Variants in TACC2 observed in about 807,000 individuals in gnomAD.
The protein encoded by TACC2 is transforming acidic coiled-coil containing protein 2.
Under a neutral mutation model 227.3 loss-of-function variants are expected in TACC2, and 137 were observed. The observed-to-expected ratio is 0.60, with a 90% CI of 0.52 to 0.69. The LOEUF (loss-of-function observed/expected upper bound fraction) is 0.69, where lower values mean the gene tolerates loss of function less well. TACC2 is among the 30% of genes least tolerant of loss of function. The probability of loss-of-function intolerance (pLI) is 0.00; values close to 1 mark genes in which losing one functional copy is unlikely to be tolerated. For missense variants in TACC2, 3,470 were observed against 3,694.4 expected (o/e 0.94, Z 1.57); for synonymous variants, 1,523 against 1,487.5 (o/e 1.02, Z -0.55).
intron 5 of TACC2, among the ~76,000 whole-genome samples, chr10:122,103,931 C>T (rs567762109): frequency 6.6e-6 from 1 of 152,286 alleles, no homozygotes; most frequent in African/African-American, 2.4e-5. Flanking sequence ...TTTCAAGAGA[C>T]AGTACACAGG....
chr10:122,148,252 C>T (rs1007274886), intron 7 of TACC2, among the ~76,000 whole-genome samples: 5 of 152,112 alleles, frequency 3.3e-5, no homozygotes, highest in South Asian at 2.1e-4. Context: ...TATAGGCACC[C>T]GCCACCATGC....
chr10:122,118,215 A>G (rs1299854322), intron 5 of TACC2, among the ~76,000 whole-genome samples: 1 of 151,980 alleles, frequency 6.6e-6, no homozygotes, highest in African/African-American at 2.4e-5. Flanking sequence ...GAGTTTCACC[A>G]TGTTGGCTGG....
intron 6 of TACC2, among the ~76,000 whole-genome samples, chr10:122,137,133 C>T (rs149100877): frequency 1.7e-3 from 266 of 152,222 alleles, no homozygotes; most frequent in Non-Finnish European, 3.1e-3. Context: ...CCAAAATTTG[C>T]TTCTTTCCTC....
chr10:122,078,882 TC>T (rs2079134889), intron 3 of TACC2: 1 of 152,224 alleles, frequency 6.6e-6, no homozygotes, highest in African/African-American at 2.4e-5. Context: ...TTGTTGTGTG[TC>T]CCATACTCCA....
intron 5 of TACC2, chr10:122,126,847 C>A (rs1374836856): frequency 1.3e-5 from 2 of 152,248 alleles, no homozygotes; most frequent in African/African-American, 4.8e-5. Flanking sequence ...CTGGTATCAC[C>A]TGCTATGCTC....
At chr10:122,041,742 G>A (rs920002440) in intron 2 of TACC2, among the ~76,000 whole-genome samples, 12 of 152,180 alleles carry the variant, frequency 7.9e-5, no homozygotes, top group African/African-American at 1.4e-4. Flanking sequence ...CACAGCACCC[G>A]GCCTTGACAG....
At chr10:122,037,265 G>A (rs1314251099) in intron 2 of TACC2, among the ~76,000 whole-genome samples, 3 of 152,262 alleles carry the variant, frequency 2.0e-5, no homozygotes, top group Non-Finnish European at 2.9e-5. Context: ...CAGCCAGGGA[G>A]CTGGGTGAGG....
chr10:122,183,605 T>A (rs2094056710), intron 7 of TACC2, among the ~76,000 whole-genome samples: 1 of 152,180 alleles, frequency 6.6e-6, no homozygotes. Context: ...CCTGGCTGGC[T>A]GCCCCCGTGG....
chr10:122,215,443 C>A lies in TACC2; in HGVS notation c.7336C>A (p.Pro2446Thr). The stretch of plus-strand genomic sequence containing the variant: ...AAAACGGTCTCCTCTCTCTGATCCA[C>A]CTTCCCAGGTACAGTGTTCCTTTGA... ...SPKRSPLSDP[P>T]SQDPTPAATP... is the part of the protein sequence containing the mutation. Residue 2446 changes from proline (P) to threonine (T), a missense_variant, in exon 10 of 23, where the codon CCT becomes ACT. Coordinates refer to ENST00000369005, the MANE Select transcript of TACC2 (RefSeq NM_206862.4). 1 of 1,613,912 alleles carries A rather than the reference C, an allele frequency of 6.2e-7. No individual in the cohort carries two copies. The highest frequency in any genetic ancestry group is 8.5e-7 in the Non-Finnish European group (1 of 1,179,820).
chr10:122,105,623 A>AGTT (rs2082669659), intron 5 of TACC2, among the ~76,000 whole-genome samples: 2 of 108,426 alleles, frequency 1.8e-5, no homozygotes, highest in African/African-American at 6.0e-5. Context: ...TGTCTTAAAC[A>AGTT]CTTTTTTTTT....
In TACC2 at chr10:122,143,558, C is replaced by T. The variant is rs2090963665; in HGVS notation, c.5700-14C>T. 6.2e-7 allele frequency: 1 copy of T among 1,612,932 alleles called. No homozygotes were observed. The highest frequency in any genetic ancestry group is 1.7e-5 in the Admixed American group (1 of 59,982). ...CCAGCACCATGTGGAATAATTCCCT[C>T]ATTGTGTCCCCAGCATCTCCCCAGC... On this transcript the variant is annotated splice_polypyrimidine_tract_variant and intron_variant, in intron 6 of 22. Transcript: ENST00000369005.
intron 7 of TACC2, among the ~76,000 whole-genome samples, chr10:122,167,601 G>T (rs2093246887): frequency 6.6e-6 from 1 of 152,334 alleles, no homozygotes; most frequent in Non-Finnish European, 1.5e-5. Context: ...TCTGTGGTTA[G>T]AAGTGGGGTT....
intron 7 of TACC2, chr10:122,163,778 C>T (rs1279553222): frequency 8.2e-7 from 1 of 1,224,402 alleles, no homozygotes; most frequent in African/African-American, 1.6e-5. Flanking sequence ...TGCCGCCGCT[C>T]CCGCCGCCAC....
At position 122,224,780 on chromosome 10, in the gene TACC2, C is replaced by T. The variant is rs757848963; in HGVS notation, c.7601C>T (p.Ser2534Phe). The T allele has an allele frequency of 4.3e-6, 7 of 1,613,892 alleles. No homozygotes were observed. Among genetic ancestry groups the T allele is most frequent in the Middle Eastern group, 1.6e-4 (1 of 6,084 alleles). Residue 2534 changes from serine to phenylalanine, a missense_variant, in exon 12 of 23, where the codon TCC becomes TTC. By Grantham distance (155) the Ser-to-Phe change is radical (BLOSUM62 -2). Around this residue, in one of 10 missense-constraint regions of TACC2, gnomAD observed 345 missense variants for 354.4 expected, o/e 0.97. Transcript: ENST00000369005. ...GAATATATGGAGAAAATTGGCTCCT[C>T]CTTACCTGTAAGTTCGTCTGCCTCG... ...EIEYMEKIGS[S>F]LPQDDDAPKK...
intron 16 of TACC2, among the ~76,000 whole-genome samples, chr10:122,232,305 G>A (rs2095770205): frequency 6.6e-6 from 1 of 152,234 alleles, no homozygotes; most frequent in East Asian, 1.9e-4. Flanking sequence ...TCCAGAGTTT[G>A]AGGTGGAATT....
chr10:122,042,008 C>T (rs543807681), intron 2 of TACC2, among the ~76,000 whole-genome samples: 18 of 152,272 alleles, frequency 1.2e-4, no homozygotes, highest in Non-Finnish European at 2.1e-4. Flanking sequence ...TGCAGTGGCG[C>T]GATCTCGGCT....
intron 11 of TACC2, 81 bp from the exon 12 acceptor site, chr10:122,224,645 C>A: frequency 7.7e-7 from 1 of 1,304,828 alleles, no homozygotes; most frequent in Non-Finnish European, 1.1e-6. Context: ...CCCTGCCTGG[C>A]TCAGATCTTC....
At chr10:122,235,448 G>A (rs2095839636) in intron 16 of TACC2, among the ~76,000 whole-genome samples, 1 of 152,070 alleles carries the variant, frequency 6.6e-6, no homozygotes, top group African/African-American at 2.4e-5. Flanking sequence ...TACCCAGGCT[G>A]TTCTCAAGCT....
chr10:122,014,295 C>T (rs1292816103), intron 1 of TACC2, among the ~76,000 whole-genome samples: 2 of 151,922 alleles, frequency 1.3e-5, no homozygotes, highest in South Asian at 2.1e-4. Flanking sequence ...CTGCAACCTC[C>T]GCCTAGCGAG....
Sources: allele counts gnomAD v4.1 joint callset (sites outside exome capture counted in the v4.1 genomes callset), GRCh38; gene constraint gnomAD v4.1.1; regional missense constraint gnomAD v4.1.1; transcripts MANE v1.5; gene names NCBI Gene and HGNC (gene_info 2026-07-23, HGNC 2026-07-21).